The following HBS1L variants were observed in gnomAD, a reference collection of about 807,000 sequenced individuals.
The protein encoded by HBS1L is HBS1 like translational GTPase, also known as HBS1-like protein.
Under a neutral mutation model 88.9 loss-of-function variants are expected in HBS1L, and 55 were observed. That is an observed-to-expected ratio of 0.62 (90% CI 0.50 to 0.77). The LOEUF (loss-of-function observed/expected upper bound fraction) is 0.77, where lower values mean the gene tolerates loss of function less well. Among genes scored for constraint, HBS1L ranks in the 30% least tolerant of loss-of-function variants. The pLI is 0.00. For synonymous variants in HBS1L, 267 were observed against 288.5 expected (o/e 0.93, Z 0.76); for missense variants, 741 against 829.3 (o/e 0.89, Z 1.31).
chr6:134,972,785 T>C (rs1774527196), intron 15 of HBS1L, among the ~76,000 whole-genome samples: 1 of 152,192 alleles, frequency 6.6e-6, no homozygotes, highest in Non-Finnish European at 1.5e-5. Flanking sequence ...TTCTCAAAGA[T>C]ATACAAATGG....
In HBS1L at chr6:134,962,877, G is replaced by A. The variant is rs554430735; in HGVS notation, c.*2402C>T. ...TACCTCTTTGTCACTTAATCAACTC[G>A]AGCCTTCCACTGCCAACAGTCTTCT... is the stretch of plus-strand genomic sequence containing the variant. On this transcript the variant is annotated 3_prime_UTR_variant, in exon 18 of 18. Coordinates refer to ENST00000367837, the MANE Select transcript of HBS1L (RefSeq NM_006620.4). The A allele has an allele frequency of 2.0e-4, 30 of 152,230 alleles. No individual in the cohort carries two copies. The South Asian group carries it at 4.1e-3, about 21-fold the overall frequency. The allele number at this position is 152,230 out of a possible 1,614,324, so 9.4% of individuals were successfully genotyped here. A position where few individuals can be genotyped will look rare whatever the true frequency, so the allele number is the denominator to read the frequency against.
intron 4 of HBS1L, among the ~76,000 whole-genome samples, chr6:135,017,393 T>A (rs903562343): frequency 6.6e-6 from 1 of 152,134 alleles, no homozygotes; most frequent in East Asian, 1.9e-4. Context: ...TTTCTTCACA[T>A]AAAATCCTCA....
chr6:135,036,091 T>C (rs1776539540), intron 4 of HBS1L: 2 of 669,176 alleles, frequency 3.0e-6, no homozygotes, highest in Admixed American at 6.3e-5. Context: ...AGAAAAATAA[T>C]GAAACTAGGA....
chr6:135,043,940 A>C (rs567130937), intron 2 of HBS1L, among the ~76,000 whole-genome samples: 1 of 152,336 alleles, frequency 6.6e-6, no homozygotes, highest in Admixed American at 6.5e-5. Flanking sequence ...CATAATAACA[A>C]CACATATAAA....
intron 5 of HBS1L, among the ~76,000 whole-genome samples, chr6:134,998,339 T>C (rs1417981063): frequency 6.6e-6 from 1 of 152,250 alleles, no homozygotes; most frequent in Non-Finnish European, 1.5e-5. Context: ...GCTTAACTTA[T>C]TCTTTCCTTA....
chr6:135,037,520 C>T lies in HBS1L; in HGVS notation c.430+2053G>A, dbSNP rs753587667. ...TTTGAACTTCCTAAACTGTCCTGTA[C>T]TGGAATGTTTTGAAAATCAGACAGT... On this transcript the variant is annotated intron_variant, in intron 4 of 17. Coordinates refer to ENST00000367837, the MANE Select transcript of HBS1L (RefSeq NM_006620.4). 9.7e-6 allele frequency: 15 copies of T among 1,550,252 alleles called. No individual in the cohort carries two copies. The Admixed American group carries it at 1.4e-4, about 14-fold the overall frequency.
chr6:135,028,901 C>G (rs767906265), intron 4 of HBS1L, among the ~76,000 whole-genome samples: 5 of 151,786 alleles, frequency 3.3e-5, no homozygotes, highest in Non-Finnish European at 5.9e-5. Context: ...CAAGCTGTTT[C>G]TAAAGCTCAT....
intron 8 of HBS1L, among the ~76,000 whole-genome samples, chr6:134,991,995 G>A (rs1338719715): frequency 6.6e-6 from 1 of 152,204 alleles, no homozygotes; most frequent in Admixed American, 6.5e-5. Flanking sequence ...TTGAGCCCGG[G>A]AAGTTGTGGA....
chr6:134,986,114 T>C lies in HBS1L; in HGVS notation c.1375A>G (p.Ser459Gly), dbSNP rs901821017. Residue 459 changes from serine (S) to glycine (G), a missense_variant, in exon 11 of 18, where the codon AGT becomes GGT. By Grantham distance (56) the Ser-to-Gly change is moderately conservative (BLOSUM62 0). Coordinates refer to ENST00000367837, the MANE Select transcript of HBS1L (RefSeq NM_006620.4). ...CCTTTATACCATTTTGTGAGTTCAC[T>C]TGACTGAGATCTTGTGATTAGATTT... ...GENLITRSQSSELTKWYKGLC... is the reference protein window; with the variant it reads ...GENLITRSQSGELTKWYKGLC... 1.9e-6 allele frequency: 3 copies of C among 1,601,410 alleles called. No homozygotes were observed. Among genetic ancestry groups the C allele is most frequent in the Admixed American group, 1.7e-5 (1 of 59,764 alleles).
chr6:135,001,774 AAT>A (rs1249171335), intron 5 of HBS1L, among the ~76,000 whole-genome samples: 2 of 152,090 alleles, frequency 1.3e-5, no homozygotes, highest in African/African-American at 4.8e-5. Context: ...AAATCTAGTG[AAT>A]AAAGTCTTGT....
chr6:135,049,570 A>AT, intron 2 of HBS1L, among the ~76,000 whole-genome samples: 1 of 151,498 alleles, frequency 6.6e-6, no homozygotes, highest in East Asian at 1.9e-4. Flanking sequence ...ACCATATTAA[A>AT]TTTTTTTTTC....
chr6:135,043,501 T>C (rs1776815383), intron 2 of HBS1L, among the ~76,000 whole-genome samples: 2 of 152,216 alleles, frequency 1.3e-5, no homozygotes, highest in South Asian at 2.1e-4. Flanking sequence ...CTGCAGTGTA[T>C]GTGTAACACC....
chr6:135,043,075 A>C (rs1776795917), intron 2 of HBS1L, among the ~76,000 whole-genome samples: 5 of 150,772 alleles, frequency 3.3e-5, no homozygotes, highest in African/African-American at 9.6e-5. Context: ...CTCATTAAGG[A>C]AAGGAAAGGC....
chr6:134,991,808 G>A (rs1319789157), intron 8 of HBS1L, among the ~76,000 whole-genome samples: 9 of 152,110 alleles, frequency 5.9e-5, no homozygotes, highest in Non-Finnish European at 1.2e-4. Context: ...AGTGGCTCAT[G>A]CCTGTAATCC....
Position 135,013,366 on chromosome 6 carries a change from C to T in HBS1L, c.431-10524G>A, listed in dbSNP as rs1305080875. On this transcript the variant is annotated intron_variant, in intron 4 of 17. Transcript: ENST00000367837. ...AACACAAATTACTCTCTACCTATCACATATTCATTCATGAAGGGAAGGCGA... is the reference window on the plus strand; with the variant it reads ...AACACAAATTACTCTCTACCTATCATATATTCATTCATGAAGGGAAGGCGA... 2.0e-5 allele frequency among the ~76,000 whole-genome samples: 3 copies of T among 152,208 alleles called. No individual in the cohort carries two copies. In the East Asian group the frequency reaches 5.8e-4, roughly 29 times the overall value.
At chr6:135,017,249 T>C (rs1775948318) in intron 4 of HBS1L, among the ~76,000 whole-genome samples, 1 of 152,196 alleles carries the variant, frequency 6.6e-6, no homozygotes. Context: ...ATCATTTATC[T>C]CTAAATGACA....
Position 134,997,584 on chromosome 6 carries a change from A to G in HBS1L, c.612T>C (p.Ala204=). The G allele has an allele frequency of 6.2e-7, 1 of 1,613,658 alleles. No individual in the cohort carries two copies. Residue 204 remains alanine, a synonymous_variant, in exon 6 of 18, where the codon GCT becomes GCC. Transcript: ENST00000367837. The stretch of plus-strand genomic sequence containing the variant: ...AAGCAGTCTCAAGAACATCGGAAGA[A>G]GCAATGGCATCTTCAATGGGCGGTC... ...QKGPPIEDAI[A]SSDVLETASK...
intron 7 of HBS1L, among the ~76,000 whole-genome samples, chr6:134,994,094 G>T (rs1002047982): frequency 2.6e-5 from 4 of 152,076 alleles, no homozygotes. Flanking sequence ...GACAAAGTAA[G>T]AGCTCAATAA....
At chr6:135,001,833 A>G (rs1462537385) in intron 5 of HBS1L, among the ~76,000 whole-genome samples, 3 of 151,970 alleles carry the variant, frequency 2.0e-5, no homozygotes, top group African/African-American at 7.2e-5. Context: ...ATTCTTCCCA[A>G]CCAAAACTCA....
Sources: allele counts gnomAD v4.1 joint callset (sites outside exome capture counted in the v4.1 genomes callset), GRCh38; gene constraint gnomAD v4.1.1; transcripts MANE v1.5; gene names NCBI Gene and HGNC (gene_info 2026-07-23, HGNC 2026-07-21).